Variants in TMEFF1 observed in about 807,000 individuals in gnomAD.
The protein encoded by TMEFF1 is tomoregulin-1.
TMEFF1 carries 20 observed loss-of-function variants against 47.5 expected under a neutral mutation model. The observed-to-expected ratio is 0.42, with a 90% CI of 0.30 to 0.61. The LOEUF (loss-of-function observed/expected upper bound fraction) is 0.61, where lower values mean the gene tolerates loss of function less well. Ranked by LOEUF, TMEFF1 falls within the 20% of genes least tolerant of loss-of-function variation. The pLI is 0.19. For missense variants in TMEFF1, 411 were observed against 471.1 expected (o/e 0.87, Z 1.18); for synonymous variants, 162 against 166.3 (o/e 0.97, Z 0.20).
At chr9:100,522,005 C>G (rs1838169433) in intron 5 of TMEFF1, among the ~76,000 whole-genome samples, 1 of 152,168 alleles carries the variant, frequency 6.6e-6, no homozygotes. Context: ...GTACCATTTT[C>G]TGTTTTGATG....
chr9:100,528,030 CCTGT>C (rs1838300406), intron 5 of TMEFF1, among the ~76,000 whole-genome samples: 2 of 152,074 alleles, frequency 1.3e-5, no homozygotes, highest in African/African-American at 4.8e-5. Flanking sequence ...AGCTGAGCGT[CCTGT>C]CTGTTAGAAG....
intron 1 of TMEFF1, among the ~76,000 whole-genome samples, chr9:100,491,836 A>G (rs1939982851): frequency 1.3e-5 from 2 of 151,134 alleles, no homozygotes; most frequent in Admixed American, 6.6e-5. Context: ...TTTATTAAAT[A>G]TTTTGAAAGA....
At chr9:100,499,143 C>A (rs767759411) in intron 2 of TMEFF1, among the ~76,000 whole-genome samples, 9 of 152,148 alleles carry the variant, frequency 5.9e-5, no homozygotes, top group Non-Finnish European at 1.0e-4. Flanking sequence ...ATAATTGTCA[C>A]TGAAAGGAAA....
intron 1 of TMEFF1, among the ~76,000 whole-genome samples, chr9:100,484,077 A>G (rs1465161928): frequency 6.6e-6 from 1 of 152,186 alleles, no homozygotes; most frequent in Middle Eastern, 3.2e-3. Flanking sequence ...TGAAGTTATC[A>G]TAGGACCCAA....
intron 8 of TMEFF1, among the ~76,000 whole-genome samples, chr9:100,563,258 C>T (rs1355844942): frequency 1.3e-5 from 2 of 152,214 alleles, no homozygotes; most frequent in Non-Finnish European, 2.9e-5. Flanking sequence ...TGGCCCAGGC[C>T]AATTTTTAAA....
chr9:100,531,435 C>A (rs1311395734), intron 5 of TMEFF1, among the ~76,000 whole-genome samples: 1 of 152,110 alleles, frequency 6.6e-6, no homozygotes, highest in Non-Finnish European at 1.5e-5. Flanking sequence ...CATTCTTATA[C>A]ACCAACAACA....
At chr9:100,574,664 T>C (rs1839314427) in intron 9 of TMEFF1, among the ~76,000 whole-genome samples, 1 of 152,016 alleles carries the variant, frequency 6.6e-6, no homozygotes. Flanking sequence ...CCCAGCCAGA[T>C]AGTGCCATTT....
chr9:100,494,978 T>C (rs1423897023), intron 1 of TMEFF1, among the ~76,000 whole-genome samples: 1 of 152,178 alleles, frequency 6.6e-6, no homozygotes, highest in African/African-American at 2.4e-5. Context: ...AAATCTGAAA[T>C]AATCTCAGAT....
In TMEFF1 at chr9:100,498,748, ATTT is replaced by A; in HGVS notation, c.197-12_197-10del. On this transcript the variant is annotated splice_polypyrimidine_tract_variant and intron_variant, in intron 1 of 9. Coordinates refer to ENST00000374879, the MANE Select transcript of TMEFF1 (RefSeq NM_003692.5). ...AAAAGCCAAATATATATGTCAAACA[ATTT>A]TTTTCTTTTGCAGAATTAAATGTGA... The A allele has an allele frequency of 6.2e-7, 1 of 1,611,348 alleles. No homozygotes were observed. Among genetic ancestry groups the A allele is most frequent in the Non-Finnish European group, 8.5e-7 (1 of 1,179,132 alleles).
intron 3 of TMEFF1, among the ~76,000 whole-genome samples, chr9:100,511,525 G>GT (rs1257078425): frequency 6.6e-6 from 1 of 152,112 alleles, no homozygotes; most frequent in Non-Finnish European, 1.5e-5. Flanking sequence ...TTTTCTGAGT[G>GT]GGCAGTGTTT....
chr9:100,495,828 T>C (rs1051588366), intron 1 of TMEFF1, among the ~76,000 whole-genome samples: 1 of 152,172 alleles, frequency 6.6e-6, no homozygotes, highest in Non-Finnish European at 1.5e-5. Context: ...AGTCACCAAA[T>C]TGTGTTTGAT....
chr9:100,562,487 G>A (rs1839035015), intron 8 of TMEFF1, among the ~76,000 whole-genome samples: 1 of 151,942 alleles, frequency 6.6e-6, no homozygotes, highest in Non-Finnish European at 1.5e-5. Context: ...AACTGTTAAT[G>A]GTTGAATAGT....
chr9:100,530,352 GAA>G (rs1198388077), intron 5 of TMEFF1, among the ~76,000 whole-genome samples: 1 of 151,746 alleles, frequency 6.6e-6, no homozygotes, highest in Admixed American at 6.6e-5. Context: ...GACTAACAAA[GAA>G]AAAAAGAGAG....
intron 5 of TMEFF1, among the ~76,000 whole-genome samples, chr9:100,533,864 G>T (rs568797596): frequency 1.3e-5 from 2 of 152,094 alleles, no homozygotes; most frequent in South Asian, 2.1e-4. Context: ...GATTACAGGC[G>T]TGCACCACCA....
rs1837705579 is a variant in TMEFF1 at position 100,498,823 on chromosome 9, A to C, written c.255A>C (p.Gly85=). ...GTGATGAGTCATCATGTAAATATGG[A>C]GGAGTCTGTAAAGAAGATGGAGATG... ...RVCDESSCKY[G]GVCKEDGDGL... The change falls in exon 2 of 10, where the codon GGA becomes GGC. Residue 85 remains glycine (G), a synonymous_variant. Transcript: ENST00000374879. 3 of 1,613,882 alleles carry C rather than the reference A, an allele frequency of 1.9e-6. No homozygotes were observed. The highest frequency in any genetic ancestry group is 2.7e-5 in the African/African-American group (2 of 74,912).
In TMEFF1 at chr9:100,572,637, A is replaced by G; in HGVS notation, c.1019A>G (p.Gln340Arg). Residue 340 changes from glutamine to arginine, a missense_variant, in exon 9 of 10, where the codon CAG (glutamine) becomes CGG (arginine). Transcript: ENST00000374879. ...VLIAAIIGAV[Q>R]IAIIVAIVMC... ...ATTGCAGCAATTATTGGAGCTGTAC[A>G]GATTGCCATCATAGTAGCAATTGTA... 6.2e-7 allele frequency: 1 copy of G among 1,612,508 alleles called. No individual in the cohort carries two copies. Among genetic ancestry groups the G allele is most frequent in the Non-Finnish European group, 8.5e-7 (1 of 1,179,332 alleles).
At chr9:100,476,848 C>T (rs1837241205) in intron 1 of TMEFF1, among the ~76,000 whole-genome samples, 1 of 152,050 alleles carries the variant, frequency 6.6e-6, no homozygotes, top group African/African-American at 2.4e-5. Context: ...AGGCACCCGC[C>T]ACCATGCCCG....
At chr9:100,525,669 C>T (rs1283926238) in intron 5 of TMEFF1, among the ~76,000 whole-genome samples, 2 of 152,172 alleles carry the variant, frequency 1.3e-5, no homozygotes, top group Non-Finnish European at 2.9e-5. Flanking sequence ...TGTCCCCTTC[C>T]CAGAGGTAGA....
intron 7 of TMEFF1, among the ~76,000 whole-genome samples, chr9:100,558,897 AC>A (rs1554689507): frequency 6.6e-6 from 1 of 152,050 alleles, no homozygotes; most frequent in Non-Finnish European, 1.5e-5. Flanking sequence ...CCTCAAAACA[AC>A]CCTACAAGAA....
Sources: allele counts gnomAD v4.1 joint callset (sites outside exome capture counted in the v4.1 genomes callset), GRCh38; gene constraint gnomAD v4.1.1; transcripts MANE v1.5; gene names NCBI Gene and HGNC (gene_info 2026-07-23, HGNC 2026-07-21).